Variants in SNTG1 observed in about 807,000 individuals in gnomAD.
SNTG1 encodes syntrophin gamma 1.
A neutral mutation model predicts 74.7 loss-of-function variants in SNTG1; 39 were observed. The observed-to-expected ratio is 0.52, with a 90% CI of 0.40 to 0.68. The LOEUF (loss-of-function observed/expected upper bound fraction) is 0.68, where lower values mean the gene tolerates loss of function less well. Ranked by LOEUF, SNTG1 falls within the 30% of genes least tolerant of loss-of-function variation. SNTG1 has a pLI of 0.00. For missense variants in SNTG1, 685 were observed against 609.5 expected (o/e 1.12, Z -1.30); for synonymous variants, 254 against 217.1 (o/e 1.17, Z -1.49).
At position 50,752,026 on chromosome 8, in the gene SNTG1, C is replaced by A. The variant is rs1335465159; in HGVS notation, c.1310C>A (p.Ser437Tyr). ...GCTGTCCTTTGGAGGTATAAATTCT[C>A]TCAGCTTAAAGGTTCTTCAGATGAT... ...TKAVLWRYKF[S>Y]QLKGSSDDGK... Residue 437 changes from serine (S) to tyrosine (Y), a missense_variant, in exon 18 of 19, where the codon TCT (serine) becomes TAT (tyrosine). Transcript: ENST00000642720. 1.3e-6 allele frequency: 2 copies of A among 1,570,422 alleles called. No homozygotes were observed. The highest frequency in any genetic ancestry group is 1.7e-6 in the Non-Finnish European group (2 of 1,163,424).
At chr8:50,218,019 C>T (rs1182889299) in intron 2 of SNTG1, among the ~76,000 whole-genome samples, 1 of 152,178 alleles carries the variant, frequency 6.6e-6, no homozygotes, top group Non-Finnish European at 1.5e-5. Flanking sequence ...CACCTCAGAC[C>T]TTGAAATGAA....
intron 1 of SNTG1, among the ~76,000 whole-genome samples, chr8:50,035,817 C>T (rs1818112300): frequency 6.6e-6 from 1 of 152,140 alleles, no homozygotes; most frequent in African/African-American, 2.4e-5. Context: ...ACAAATCCGA[C>T]AGCATGGAGG....
At position 50,106,045 on chromosome 8, in the gene SNTG1, T is replaced by C. The variant is rs577296552; in HGVS notation, c.-102-66516T>C. On this transcript the variant is annotated intron_variant, in intron 1 of 18. Coordinates refer to ENST00000642720, the MANE Select transcript of SNTG1 (RefSeq NM_018967.5). ...ATTTCTTTCTCTTGCCTGATTGCTTTAGCTAGGACTTCCAGTATGTATTAG... is the reference window on the plus strand; with the variant it reads ...ATTTCTTTCTCTTGCCTGATTGCTTCAGCTAGGACTTCCAGTATGTATTAG... 4.1e-4 allele frequency among the ~76,000 whole-genome samples: 63 copies of C among 152,254 alleles called. 1 individual carries two copies. The highest frequency in any genetic ancestry group is 9.1e-4 in the Non-Finnish European group (62 of 68,010).
At chr8:50,313,382 C>T (rs2090190705) in intron 2 of SNTG1, among the ~76,000 whole-genome samples, 1 of 149,446 alleles carries the variant, frequency 6.7e-6, no homozygotes, top group Non-Finnish European at 1.5e-5. Context: ...GAAAGACAAC[C>T]ATAGATAGAG....
intron 1 of SNTG1, among the ~76,000 whole-genome samples, chr8:50,142,618 A>C (rs1433784966): frequency 6.6e-6 from 1 of 152,134 alleles, no homozygotes; most frequent in East Asian, 1.9e-4. Flanking sequence ...GGAAGAGATA[A>C]GGTTTTGTTA....
intron 2 of SNTG1, among the ~76,000 whole-genome samples, chr8:50,388,344 G>A (rs78889685): frequency 1.3e-5 from 2 of 152,252 alleles, no homozygotes; most frequent in East Asian, 3.9e-4. Flanking sequence ...TTGAGTAGTA[G>A]TATTCAGTGG....
intron 2 of SNTG1, among the ~76,000 whole-genome samples, chr8:50,214,260 G>A (rs1196141480): frequency 2.6e-5 from 3 of 115,288 alleles, no homozygotes; most frequent in Non-Finnish European, 3.4e-5. Context: ...GACTGTTGTG[G>A]GGTGGGGGGA....
intron 2 of SNTG1, among the ~76,000 whole-genome samples, chr8:50,177,601 T>C (rs998045908): frequency 2.6e-5 from 4 of 152,162 alleles, no homozygotes; most frequent in Admixed American, 6.5e-5. Flanking sequence ...AGGCAAATGT[T>C]AAGAGGCAAA....
intron 18 of SNTG1, among the ~76,000 whole-genome samples, chr8:50,778,606 C>CTCTCA (rs1390707764): frequency 1.3e-5 from 2 of 151,452 alleles, no homozygotes; most frequent in African/African-American, 4.9e-5. Flanking sequence ...GATATTAGCC[C>CTCTCA]TCTGTCAGAT....
At chr8:50,069,670 T>C (rs1160143033) in intron 1 of SNTG1, among the ~76,000 whole-genome samples, 2 of 146,682 alleles carry the variant, frequency 1.4e-5, no homozygotes. Flanking sequence ...GAAGATACCT[T>C]TTCCTTTTAA....
chr8:50,027,512 A>C (rs994756030), intron 1 of SNTG1, among the ~76,000 whole-genome samples: 1 of 152,200 alleles, frequency 6.6e-6, no homozygotes, highest in Non-Finnish European at 1.5e-5. Flanking sequence ...GGACCTGTGG[A>C]GACAGACATA....
intron 1 of SNTG1, among the ~76,000 whole-genome samples, chr8:49,944,079 C>G (rs318879): frequency 0.079 from 11,930 of 151,920 alleles, 1,505 homozygotes; most frequent in African/African-American, 0.27. Flanking sequence ...TTTAAATGTC[C>G]CCTTCCAAAT....
intron 2 of SNTG1, among the ~76,000 whole-genome samples, chr8:50,366,196 A>T (rs367646487): frequency 1.3e-5 from 2 of 152,184 alleles, no homozygotes; most frequent in Non-Finnish European, 2.9e-5. Context: ...TTGCCAAGAC[A>T]TGCTTGTAGG....
At chr8:50,745,304 C>T (rs2095552690) in intron 17 of SNTG1, among the ~76,000 whole-genome samples, 1 of 151,960 alleles carries the variant, frequency 6.6e-6, no homozygotes, top group South Asian at 2.1e-4. Flanking sequence ...TGACCAACAT[C>T]ACTAGCCATT....
intron 10 of SNTG1, among the ~76,000 whole-genome samples, chr8:50,531,142 A>G (rs1404802718): frequency 6.6e-6 from 1 of 152,136 alleles, no homozygotes; most frequent in Non-Finnish European, 1.5e-5. Flanking sequence ...TTCAGTCCTG[A>G]ATGGCTTTCA....
intron 2 of SNTG1, among the ~76,000 whole-genome samples, chr8:50,221,282 C>A (rs1187660926): frequency 2.6e-5 from 4 of 151,692 alleles, no homozygotes; most frequent in Admixed American, 2.6e-4. Context: ...GTGGGAAATG[C>A]AAGACTTAAA....
At chr8:50,501,751 C>A (rs567288263) in intron 8 of SNTG1, among the ~76,000 whole-genome samples, 1 of 152,018 alleles carries the variant, frequency 6.6e-6, no homozygotes, top group East Asian at 1.9e-4. Context: ...AGCCACCATG[C>A]CCAGCCATCT....
At chr8:50,567,404 A>G (rs2094522006) in intron 12 of SNTG1, among the ~76,000 whole-genome samples, 1 of 152,118 alleles carries the variant, frequency 6.6e-6, no homozygotes, top group African/African-American at 2.4e-5. Flanking sequence ...TTTGATTCTG[A>G]TTCTTCCCTA....
At chr8:50,383,948 G>T (rs1249472056) in intron 2 of SNTG1, among the ~76,000 whole-genome samples, 1 of 152,148 alleles carries the variant, frequency 6.6e-6, no homozygotes, top group Non-Finnish European at 1.5e-5. Flanking sequence ...ATCATTGTTG[G>T]ATCTCCTAAT....
Sources: gnomAD v4.1 joint callset for allele counts (sites outside exome capture counted in the v4.1 genomes callset) on GRCh38, gnomAD v4.1.1 for gene constraint, MANE v1.5 for transcripts, NCBI Gene and HGNC (gene_info 2026-07-23, HGNC 2026-07-21) for gene names.